The following ATRNL1 variants were observed in gnomAD, a reference collection of about 807,000 sequenced individuals.
The protein encoded by ATRNL1 is attractin like 1, also known as attractin-like protein 1.
A neutral mutation model predicts 182.7 loss-of-function variants in ATRNL1; 95 were observed. The ratio of observed to expected loss-of-function variants is 0.52; its 90% CI spans 0.44 to 0.62. The LOEUF is 0.62. ATRNL1 is among the 20% of genes least tolerant of loss of function. ATRNL1 has a pLI of 0.00. For missense variants in ATRNL1, 1,471 were observed against 1,679.5 expected (o/e 0.88, Z 2.17); for synonymous variants, 576 against 568.3 (o/e 1.01, Z -0.19).
intron 24 of ATRNL1, among the ~76,000 whole-genome samples, chr10:115,484,875 G>A (rs1848946067): frequency 1.3e-5 from 2 of 152,008 alleles, no homozygotes; most frequent in East Asian, 1.9e-4. Flanking sequence ...AATGTAAGAT[G>A]TTTATTGACC....
At chr10:115,146,230 C>T (rs578141893) in intron 5 of ATRNL1, among the ~76,000 whole-genome samples, 140 of 151,822 alleles carry the variant, frequency 9.2e-4, no homozygotes, top group Middle Eastern at 3.4e-3. Flanking sequence ...ATGCTTTTTT[C>T]GTAGTAGTAT....
At chr10:115,840,398 C>G (rs544519114) in intron 27 of ATRNL1, among the ~76,000 whole-genome samples, 3 of 152,118 alleles carry the variant, frequency 2.0e-5, no homozygotes, top group Non-Finnish European at 4.4e-5. Context: ...AATTCCAAAG[C>G]AAAGTGAAAA....
chr10:115,751,128 A>G (rs1555070520), intron 27 of ATRNL1, among the ~76,000 whole-genome samples: 1 of 152,046 alleles, frequency 6.6e-6, no homozygotes, highest in African/African-American at 2.4e-5. Context: ...AAGAGGAGTC[A>G]GTCAGAGGAG....
At chr10:115,708,704 A>T (rs1434920306) in intron 26 of ATRNL1, among the ~76,000 whole-genome samples, 1 of 151,750 alleles carries the variant, frequency 6.6e-6, no homozygotes, top group Non-Finnish European at 1.5e-5. Flanking sequence ...ACAGTAAATT[A>T]TCATAAATGT....
chr10:115,140,859 A>G (rs1845728482), intron 5 of ATRNL1, among the ~76,000 whole-genome samples: 1 of 152,150 alleles, frequency 6.6e-6, no homozygotes, highest in African/African-American at 2.4e-5. Flanking sequence ...ATTTAAAGTC[A>G]CACTTTATTG....
chr10:115,838,388 CT>C (rs1432505462), intron 27 of ATRNL1, among the ~76,000 whole-genome samples: 1 of 152,134 alleles, frequency 6.6e-6, no homozygotes, highest in Non-Finnish European at 1.5e-5. Context: ...TCACAGCACA[CT>C]GACAGCAACA....
At chr10:115,497,300 C>T (rs529499190) in intron 24 of ATRNL1, among the ~76,000 whole-genome samples, 143 of 152,238 alleles carry the variant, frequency 9.4e-4, no homozygotes, top group African/African-American at 3.3e-3. Context: ...GGATGGGTTT[C>T]ATCTTTCTCC....
At chr10:115,121,636 T>C (rs1396114434) in intron 2 of ATRNL1, 63 bp from the exon 3 acceptor site, 1 of 574,126 alleles carries the variant, frequency 1.7e-6, no homozygotes, top group South Asian at 3.6e-5. Context: ...ATAAATATTA[T>C]GTATTTATTC....
intron 27 of ATRNL1, among the ~76,000 whole-genome samples, chr10:115,840,975 A>G (rs1262386738): frequency 2.6e-5 from 4 of 152,122 alleles, no homozygotes; most frequent in Admixed American, 1.3e-4. Flanking sequence ...CTCATACATC[A>G]AGTATAGTGG....
chr10:115,151,230 T>C (rs1489151841), intron 5 of ATRNL1, among the ~76,000 whole-genome samples: 1 of 152,204 alleles, frequency 6.6e-6, no homozygotes, highest in Non-Finnish European at 1.5e-5. Flanking sequence ...CCTTTGGGTA[T>C]ATACCCAGTA....
intron 13 of ATRNL1, among the ~76,000 whole-genome samples, 187 bp downstream of exon 13, chr10:115,268,631 A>C (rs1851706957): frequency 6.6e-6 from 1 of 152,212 alleles, no homozygotes; most frequent in African/African-American, 2.4e-5. Context: ...CAAATTTGTC[A>C]GTCTAGATTC....
At chr10:115,746,891 C>T (rs547990226) in intron 27 of ATRNL1, among the ~76,000 whole-genome samples, 7 of 152,164 alleles carry the variant, frequency 4.6e-5, no homozygotes, top group South Asian at 2.1e-4. Context: ...GTAACCTTGA[C>T]GCATTTCAGT....
chr10:115,280,301 A>G (rs1172355403), intron 13 of ATRNL1, among the ~76,000 whole-genome samples: 2 of 152,220 alleles, frequency 1.3e-5, no homozygotes, highest in Admixed American at 1.3e-4. Context: ...TTAACATAAC[A>G]TATCCAACAT....
chr10:115,759,841 ATTTTT>A (rs58578796), intron 27 of ATRNL1, among the ~76,000 whole-genome samples: 1 of 62,696 alleles, frequency 1.6e-5, no homozygotes, highest in African/African-American at 7.1e-5. Flanking sequence ...ACACCTGGCT[ATTTTT>A]TTTTTTTTTT....
intron 27 of ATRNL1, among the ~76,000 whole-genome samples, chr10:115,831,459 T>C (rs1555093694): frequency 2.0e-5 from 3 of 152,188 alleles, no homozygotes; most frequent in African/African-American, 7.2e-5. Flanking sequence ...TGAGTGCATA[T>C]GGATGAGCAT....
At chr10:115,585,303 T>G (rs1472689740) in intron 26 of ATRNL1, among the ~76,000 whole-genome samples, 1 of 94,194 alleles carries the variant, frequency 1.1e-5, no homozygotes, top group Non-Finnish European at 2.5e-5. Flanking sequence ...CTGGGTATCC[T>G]TGTTGACTTT....
At chr10:115,159,035 G>A (rs1846653855) in intron 5 of ATRNL1, among the ~76,000 whole-genome samples, 1 of 151,544 alleles carries the variant, frequency 6.6e-6, no homozygotes, top group African/African-American at 2.4e-5. Flanking sequence ...AAATAATGTA[G>A]GTGTGCTAAA....
intron 26 of ATRNL1, among the ~76,000 whole-genome samples, chr10:115,674,188 T>C (rs1391951523): frequency 6.6e-6 from 1 of 151,958 alleles, no homozygotes; most frequent in African/African-American, 2.4e-5. Flanking sequence ...CCCTTGCAGT[T>C]ATTTGAGGCC....
intron 18 of ATRNL1, among the ~76,000 whole-genome samples, chr10:115,322,237 A>T (rs1169587849): frequency 1.1e-4 from 16 of 151,858 alleles, no homozygotes; most frequent in African/African-American, 3.9e-4. Context: ...CAGTACTTTA[A>T]TAAAATTATT....
Sources: gnomAD v4.1 joint callset for allele counts (sites outside exome capture counted in the v4.1 genomes callset) on GRCh38, gnomAD v4.1.1 for gene constraint, MANE v1.5 for transcripts, NCBI Gene and HGNC (gene_info 2026-07-23, HGNC 2026-07-21) for gene names.